Variants in KCNQ1OT1 observed in about 807,000 individuals in gnomAD.
The protein encoded by KCNQ1OT1 is KCNQ1 antisense RNA 2 (non-protein coding).
exon 1 of KCNQ1OT1, chr11:2,629,329 A>G (rs990719473): frequency 1.0e-5 from 4 of 398,242 alleles, no homozygotes; most frequent in Non-Finnish European, 1.8e-5. Flanking sequence ...GTATGCCTAA[A>G]TGTTATGCAG....
chr11:2,696,656 C>T (rs1023848876), exon 1 of KCNQ1OT1: 18 of 398,626 alleles, frequency 4.5e-5, no homozygotes, highest in Middle Eastern at 1.3e-3. Flanking sequence ...AAAATCCTGA[C>T]GTCATTCTAA....
At position 2,669,422 on chromosome 11, in the gene KCNQ1OT1, G is replaced by C. The variant is rs781419555; in HGVS notation, n.30573C>G. 2.5e-6 allele frequency: 1 copy of C among 398,622 alleles called. No individual in the cohort carries two copies. Among genetic ancestry groups the C allele is most frequent in the African/African-American group, 2.1e-5 (1 of 48,738 alleles). 24.7% of individuals were successfully genotyped at this position (398,622 alleles called of 1,614,324 possible). A position where few individuals can be genotyped will look rare whatever the true frequency, so the allele number is the denominator to read the frequency against. ...GCATCATGTGTCCCTTGTTTATTTAGGTTGACTTTCATATCTTTTACCTTG... is the reference window on the plus strand; with the variant it reads ...GCATCATGTGTCCCTTGTTTATTTACGTTGACTTTCATATCTTTTACCTTG... On this transcript the variant is annotated non_coding_transcript_exon_variant, in exon 1 of 1. Coordinates refer to ENST00000597346, the Ensembl canonical transcript of KCNQ1OT1. This position sits in a 1 kb window ranked among gnomAD's most constrained non-coding sequence, Gnocchi z 5.6.
At chr11:2,615,696 T>C (rs1415829962) in exon 1 of KCNQ1OT1, 2 of 398,008 alleles carry the variant, frequency 5.0e-6, no homozygotes, top group Non-Finnish European at 8.9e-6. Context: ...ATTGATACTC[T>C]TGTACTGAAC....
At chr11:2,681,925 G>A (rs904029271) in exon 1 of KCNQ1OT1, 1 of 398,484 alleles carries the variant, frequency 2.5e-6, no homozygotes, top group African/African-American at 2.1e-5. Context: ...CGTTTAGGCT[G>A]AAGAATAATC....
At chr11:2,685,444 C>G (rs1229220692) in exon 1 of KCNQ1OT1, 9 of 398,608 alleles carry the variant, frequency 2.3e-5, no homozygotes, top group Non-Finnish European at 4.0e-5. Flanking sequence ...AACGAGAAGC[C>G]CTTATCCAGA....
exon 1 of KCNQ1OT1, chr11:2,644,526 A>G: frequency 2.5e-6 from 1 of 398,214 alleles, no homozygotes; most frequent in Non-Finnish European, 4.4e-6. Context: ...CTTTAATATT[A>G]TATTGAATTT....
chr11:2,673,183 C>T lies in KCNQ1OT1; in HGVS notation n.26812G>A. 1 of 398,732 alleles carries T rather than the reference C, an allele frequency of 2.5e-6. No individual in the cohort carries two copies. The highest frequency in any genetic ancestry group is 4.4e-5 in the Admixed American group (1 of 22,738). 24.7% of individuals were successfully genotyped at this position (398,732 alleles called of 1,614,324 possible). A position where few individuals can be genotyped will look rare whatever the true frequency, so the allele number is the denominator to read the frequency against. ...ACGAGGATCAGAATGGGCCCTGGAG[C>T]CAAGGCCAAAAGCCGAACTGTGACT... On this transcript the variant is annotated non_coding_transcript_exon_variant, in exon 1 of 1. Coordinates refer to ENST00000597346, the Ensembl canonical transcript of KCNQ1OT1. This position sits in a 1 kb window ranked among gnomAD's most constrained non-coding sequence, Gnocchi z 4.5.
chr11:2,695,437 G>A lies in KCNQ1OT1; in HGVS notation n.4558C>T. 2.5e-6 allele frequency: 1 copy of A among 398,438 alleles called. No individual in the cohort carries two copies. The highest frequency in any genetic ancestry group is 1.3e-4 in the South Asian group (1 of 7,834). 24.7% of individuals were successfully genotyped at this position (398,438 alleles called of 1,614,324 possible). On this transcript the variant is annotated non_coding_transcript_exon_variant, in exon 1 of 1. Transcript: ENST00000597346. This position sits in a 1 kb window ranked among gnomAD's most constrained non-coding sequence, Gnocchi z 5.2. ...TGTACTGAGGCCCTCTTTCTGTTTG[G>A]CATTTGTGTCACTCAGCACTGTGTT...
exon 1 of KCNQ1OT1, chr11:2,628,886 G>A (rs1849305884): frequency 2.5e-6 from 1 of 398,128 alleles, no homozygotes; most frequent in Non-Finnish European, 4.4e-6. Context: ...TTTCCCCATT[G>A]TGTACTCTTG....
chr11:2,625,631 A>C, exon 1 of KCNQ1OT1: 2 of 391,440 alleles, frequency 5.1e-6, no homozygotes, highest in Non-Finnish European at 8.9e-6. Flanking sequence ...AGCTGAGTGC[A>C]GTGGTGCCAT....
rs1850707331 is a variant in KCNQ1OT1, at chr11:2,698,015, G to A, written n.1980C>T. The A allele has an allele frequency of 2.5e-6, 1 of 398,520 alleles. No individual in the cohort carries two copies. The highest frequency in any genetic ancestry group is 4.4e-5 in the Admixed American group (1 of 22,714). 24.7% of individuals were successfully genotyped at this position (398,520 alleles called of 1,614,324 possible). A position where few individuals can be genotyped will look rare whatever the true frequency, so the allele number is the denominator to read the frequency against. On this transcript the variant is annotated non_coding_transcript_exon_variant, in exon 1 of 1. Transcript: ENST00000597346. The surrounding 1 kb of genome is among the most constrained non-coding windows in gnomAD (Gnocchi z 5.1). ...CCTACTGAGTATCTGGAAAACAGGT[G>A]CAGAAATGGATCATTTGAGACACCA... is the stretch of plus-strand genomic sequence containing the variant.
exon 1 of KCNQ1OT1, chr11:2,629,396 T>A: frequency 2.5e-6 from 1 of 398,530 alleles, no homozygotes; most frequent in East Asian, 3.6e-5. Context: ...CCAAATGAAG[T>A]CAATACCAAA....
chr11:2,650,949 G>T, exon 1 of KCNQ1OT1: 1 of 397,734 alleles, frequency 2.5e-6, no homozygotes, highest in Non-Finnish European at 4.4e-6. Context: ...TTTTTTCTTA[G>T]TACCCCTTTC....
At chr11:2,610,938 A>T (rs1848971280) in exon 1 of KCNQ1OT1, 1 of 398,034 alleles carries the variant, frequency 2.5e-6, no homozygotes, top group East Asian at 3.6e-5. Flanking sequence ...CACTCTGAAT[A>T]ATTGATAGAA....
Position 2,629,234 on chromosome 11 carries a change from T to C in KCNQ1OT1, n.70761A>G, listed in dbSNP as rs116143740. The C allele has an allele frequency of 1.5e-3, 581 of 398,390 alleles. 4 individuals carry two copies. The highest frequency in any genetic ancestry group is 0.011 in the African/African-American group (528 of 48,756). 24.7% of individuals were successfully genotyped at this position (398,390 alleles called of 1,614,324 possible). A position where few individuals can be genotyped will look rare whatever the true frequency, so the allele number is the denominator to read the frequency against. ...TCTATTGATCTATGAACACCAGATA[T>C]CTTTCCATTTATTTGTATCATCTTA... On this transcript the variant is annotated non_coding_transcript_exon_variant, in exon 1 of 1. Transcript: ENST00000597346.
In KCNQ1OT1 at chr11:2,612,037, C is replaced by G. The variant is rs1462109954; in HGVS notation, n.87958G>C. ...CTTAATTCCACATATGTTTTCTACT[C>G]TTAATTACATATATGTTACAACTTA... On this transcript the variant is annotated non_coding_transcript_exon_variant, in exon 1 of 1. Transcript: ENST00000597346. The surrounding 1 kb of genome is among the most constrained non-coding windows in gnomAD (Gnocchi z 5.5). 3 of 398,482 alleles carry G rather than the reference C, an allele frequency of 7.5e-6. No homozygotes were observed. The highest frequency in any genetic ancestry group is 8.8e-6 in the Non-Finnish European group (2 of 226,072). The allele number at this position is 398,482 out of a possible 1,614,324, so 24.7% of individuals were successfully genotyped here. A position where few individuals can be genotyped will look rare whatever the true frequency, so the allele number is the denominator to read the frequency against.
At position 2,642,723 on chromosome 11, in the gene KCNQ1OT1, C is replaced by A; in HGVS notation, n.57272G>T. 1 of 397,554 alleles carries A rather than the reference C, an allele frequency of 2.5e-6. No individual in the cohort carries two copies. Among genetic ancestry groups the A allele is most frequent in the Admixed American group, 4.4e-5 (1 of 22,682 alleles). The allele number at this position is 397,554 out of a possible 1,614,324, so 24.6% of individuals were successfully genotyped here. On this transcript the variant is annotated non_coding_transcript_exon_variant, in exon 1 of 1. Coordinates refer to ENST00000597346, the Ensembl canonical transcript of KCNQ1OT1. This position sits in a 1 kb window ranked among gnomAD's most constrained non-coding sequence, Gnocchi z 4.3. ...AATTTTATGTTTAGTATGGTTTGTT[C>A]TTGCTTTTCTGGTTCCTTCAGGTGT...
exon 1 of KCNQ1OT1, chr11:2,615,455 T>C (rs1242958916): frequency 2.5e-6 from 1 of 397,940 alleles, no homozygotes; most frequent in African/African-American, 2.1e-5. Context: ...TAGCACTGGG[T>C]AAAGCATACA....
chr11:2,641,287 G>A (rs1849572768), exon 1 of KCNQ1OT1: 1 of 398,178 alleles, frequency 2.5e-6, no homozygotes, highest in African/African-American at 2.1e-5. Context: ...CAGTGTATAA[G>A]AGTTCCCTCC....
Sources: gnomAD v4.1 joint callset for allele counts on GRCh38, gnomAD v4.1.1 for gene constraint, Gnocchi (gnomAD v3.1) non-coding constraint, MANE v1.5 for transcripts, NCBI Gene and HGNC (gene_info 2026-07-23, HGNC 2026-07-21) for gene names.